Variants in CABYR observed in about 807,000 individuals in gnomAD.
The protein encoded by CABYR is calcium binding tyrosine phosphorylation regulated.
A neutral mutation model predicts 36.1 loss-of-function variants in CABYR; 31 were observed. That is an observed-to-expected ratio of 0.86 (90% CI 0.64 to 1.16). The LOEUF (loss-of-function observed/expected upper bound fraction) is 1.16, where lower values mean the gene tolerates loss of function less well. Among genes scored for constraint, CABYR ranks in the 50% most tolerant of loss-of-function variants. The pLI is 0.00. For synonymous variants in CABYR, 146 were observed against 160.7 expected (o/e 0.91, Z 0.69); for missense variants, 429 against 455.8 (o/e 0.94, Z 0.53).
chr18:24,139,085 C>G lies in CABYR; in HGVS notation c.-58C>G, dbSNP rs947760700. The G allele has an allele frequency of 6.6e-6, 1 of 152,238 alleles. No individual in the cohort carries two copies. Among genetic ancestry groups the G allele is most frequent in the Non-Finnish European group, 1.5e-5 (1 of 68,054 alleles). 9.4% of individuals were successfully genotyped at this position (152,238 alleles called of 1,614,324 possible). ...TCAGGAGCCGCCGGCAAGGGGGCAACGAGGAAGCTCTTAAGAGCGCGGCCG... is the reference window on the plus strand; with the variant it reads ...TCAGGAGCCGCCGGCAAGGGGGCAAGGAGGAAGCTCTTAAGAGCGCGGCCG... On this transcript the variant is annotated 5_prime_UTR_variant, in exon 1 of 6. Transcript: ENST00000399496.
chr18:24,153,835 G>T (rs2085700110), intron 3 of CABYR, among the ~76,000 whole-genome samples: 1 of 151,958 alleles, frequency 6.6e-6, no homozygotes. Context: ...TGGGTGCGGT[G>T]GCTCAACCCC....
intron 5 of CABYR, among the ~76,000 whole-genome samples, chr18:24,161,289 T>C (rs1162045174): frequency 2.0e-5 from 3 of 152,238 alleles, no homozygotes; most frequent in Non-Finnish European, 2.9e-5. Flanking sequence ...ATCTTAGGGC[T>C]ACATGTACTT....
In CABYR at chr18:24,139,075, A is replaced by T. The variant is rs2068709822; in HGVS notation, c.-68A>T. The T allele has an allele frequency of 6.6e-6, 1 of 152,250 alleles. No individual in the cohort carries two copies. The highest frequency in any genetic ancestry group is 2.1e-4 in the South Asian group (1 of 4,840). The allele number at this position is 152,250 out of a possible 1,614,324, so 9.4% of individuals were successfully genotyped here. On this transcript the variant is annotated 5_prime_UTR_variant, in exon 1 of 6. Transcript: ENST00000399496. ...CCAAGTCTCCTCAGGAGCCGCCGGC[A>T]AGGGGGCAACGAGGAAGCTCTTAAG...
At chr18:24,156,204 G>C (rs764210222) in intron 4 of CABYR, 162 bp downstream of exon 4, 1 of 1,614,124 alleles carries the variant, frequency 6.2e-7, no homozygotes, top group Admixed American at 1.7e-5. Flanking sequence ...AGAAGTGCAG[G>C]TTGTGAACCA....
intron 1 of CABYR, chr18:24,140,292 GAT>G (rs1228591342): frequency 6.6e-6 from 1 of 152,148 alleles, no homozygotes; most frequent in Non-Finnish European, 1.5e-5. Flanking sequence ...TTAGACATAT[GAT>G]ATATATGAGT....
chr18:24,157,411 C>T (rs2085820096), intron 4 of CABYR, among the ~76,000 whole-genome samples: 1 of 152,146 alleles, frequency 6.6e-6, no homozygotes, highest in Non-Finnish European at 1.5e-5. Context: ...TTTACATAGG[C>T]TATGGCATTT....
At chr18:24,153,152 T>G (rs945134239) in intron 3 of CABYR, among the ~76,000 whole-genome samples, 4 of 152,114 alleles carry the variant, frequency 2.6e-5, no homozygotes, top group African/African-American at 9.7e-5. Context: ...TGCTGTCTCT[T>G]GTTTCTTAGC....
intron 1 of CABYR, 44 bp from the exon 2 acceptor site, chr18:24,143,047 T>G: frequency 2.4e-6 from 3 of 1,267,148 alleles, no homozygotes; most frequent in Non-Finnish European, 3.3e-6. Context: ...AAAAAACCTA[T>G]TTTAGTAAAA....
rs1429294534 is a variant in CABYR at position 24,156,348 on chromosome 18, G to C, written c.541+306G>C. 6.2e-7 allele frequency: 1 copy of C among 1,614,196 alleles called. No homozygotes were observed. The highest frequency in any genetic ancestry group is 1.7e-5 in the Admixed American group (1 of 60,024). ...TCAAGCTCCTGAGGTCACTTTGCAG[G>C]CTGATATTGAGGTTATGTCAACTGT... is the stretch of plus-strand genomic sequence containing the variant. On this transcript the variant is annotated intron_variant, in intron 4 of 5. Coordinates refer to ENST00000399496, the MANE Select transcript of CABYR (RefSeq NM_153769.3).
rs554665364 is a variant in CABYR, at chr18:24,145,005, A to G, written c.199+1592A>G. Among the ~76,000 whole-genome samples the G allele has an allele frequency of 1.3e-4, 20 of 152,334 alleles. No homozygotes were observed. In the East Asian group the frequency reaches 3.3e-3, roughly 25 times the overall value. ...CTGTCCTACCTTTGTAATCATTGCA[A>G]TCATCTCATTTCATAGACCTCATGT... On this transcript the variant is annotated intron_variant, in intron 3 of 5. Coordinates refer to ENST00000399496, the MANE Select transcript of CABYR (RefSeq NM_153769.3).
chr18:24,156,384 T>C, intron 4 of CABYR: 2 of 1,614,244 alleles, frequency 1.2e-6, no homozygotes, highest in East Asian at 2.2e-5. Context: ...TCATATATCA[T>C]CTGTCTATAA....
intron 4 of CABYR, among the ~76,000 whole-genome samples, chr18:24,158,821 G>A (rs2085867020): frequency 1.3e-5 from 2 of 152,084 alleles, no homozygotes; most frequent in South Asian, 2.1e-4. Context: ...ATTATAGATG[G>A]CACTCCTAAA....
Position 24,159,794 on chromosome 18 carries a change from G to A in CABYR, c.864G>A (p.Leu288=). The part of the protein sequence containing the change: ...GHAVVSQSDV[L]RYVAMQVPIA... Reference sequence around the variant, plus strand: ...CTGTCGTTTCACAGTCAGATGTCTTGAGATATGTTGCAATGCAAGTGCCCA... The same window carrying A: ...CTGTCGTTTCACAGTCAGATGTCTTAAGATATGTTGCAATGCAAGTGCCCA... Residue 288 remains leucine, a synonymous_variant, in exon 5 of 6, where the codon TTG becomes TTA. Coordinates refer to ENST00000399496, the MANE Select transcript of CABYR (RefSeq NM_153769.3). The A allele has an allele frequency of 1.2e-6, 2 of 1,614,106 alleles. No individual in the cohort carries two copies. The highest frequency in any genetic ancestry group is 1.7e-6 in the Non-Finnish European group (2 of 1,180,030).
At chr18:24,155,137 G>GA (rs2085743924) in intron 3 of CABYR, among the ~76,000 whole-genome samples, 1 of 152,156 alleles carries the variant, frequency 6.6e-6, no homozygotes, top group African/African-American at 2.4e-5. Flanking sequence ...CAACAAAGAT[G>GA]AAATAATTTA....
At chr18:24,153,043 G>A (rs1212524486) in intron 3 of CABYR, among the ~76,000 whole-genome samples, 1 of 152,192 alleles carries the variant, frequency 6.6e-6, no homozygotes. Flanking sequence ...GTATTTCTCA[G>A]CATCTGTGCT....
chr18:24,139,096 T>G lies in CABYR; in HGVS notation c.-47T>G, dbSNP rs957618000. 6.6e-6 allele frequency: 1 copy of G among 152,300 alleles called. No individual in the cohort carries two copies. The highest frequency in any genetic ancestry group is 1.5e-5 in the Non-Finnish European group (1 of 68,094). The allele number at this position is 152,300 out of a possible 1,614,324, so 9.4% of individuals were successfully genotyped here. On this transcript the variant is annotated 5_prime_UTR_variant, in exon 1 of 6. Transcript: ENST00000399496. ...CGGCAAGGGGGCAACGAGGAAGCTC[T>G]TAAGAGCGCGGCCGGAAAGCAGGTG...
At position 24,161,127 on chromosome 18, in the gene CABYR, G is replaced by C. The variant is rs1567906977; in HGVS notation, c.*-389G>C. Among the ~76,000 whole-genome samples, 3 of 152,142 alleles carry C rather than the reference G, an allele frequency of 2.0e-5. No homozygotes were observed. In the East Asian group the frequency reaches 5.8e-4, roughly 29 times the overall value. On this transcript the variant is annotated intron_variant, in intron 5 of 5. Coordinates refer to ENST00000399496, the MANE Select transcript of CABYR (RefSeq NM_153769.3). ...AACAGAGGAAGTAGGGAGATGAGTT[G>C]AAAGTACAGAAGTGTTATACACCAA...
At chr18:24,156,597 G>A (rs891196076) in intron 4 of CABYR, 7 of 1,614,072 alleles carry the variant, frequency 4.3e-6, no homozygotes, top group East Asian at 4.5e-5. Context: ...TGTAAAACTT[G>A]CACAGTTGGA....
At position 24,155,941 on chromosome 18, in the gene CABYR, C is replaced by T. The variant is rs762777115; in HGVS notation, c.440C>T (p.Pro147Leu). ...GGTCTTTCTTCCAAACCAGCCACCC[C>T]TAAGACTACTACCCCACCCTCATCA... Reference protein sequence around the residue: ...VGGLSSKPATPKTTTPPSSPP... With the variant: ...VGGLSSKPATLKTTTPPSSPP... Residue 147 changes from proline to leucine, a missense_variant, in exon 4 of 6, where the codon CCT becomes CTT. Pro to Leu is a moderately conservative substitution (Grantham distance 98, BLOSUM62 -3). Coordinates refer to ENST00000399496, the MANE Select transcript of CABYR (RefSeq NM_153769.3). The T allele has an allele frequency of 1.9e-6, 3 of 1,614,174 alleles. No homozygotes were observed. In the Admixed American group the frequency reaches 5.0e-5, roughly 27 times the overall value.
Sources: gnomAD v4.1 joint callset for allele counts (sites outside exome capture counted in the v4.1 genomes callset) on GRCh38, gnomAD v4.1.1 for gene constraint, MANE v1.5 for transcripts, NCBI Gene and HGNC (gene_info 2026-07-23, HGNC 2026-07-21) for gene names.